Variants in ATG10 observed in about 807,000 individuals in gnomAD.
ATG10 encodes ubiquitin-like-conjugating enzyme ATG10.
In ATG10, 30 loss-of-function variants were observed where a neutral mutation model predicts 32.1. The observed-to-expected ratio is 0.94, with a 90% CI of 0.70 to 1.27. The LOEUF (loss-of-function observed/expected upper bound fraction) is 1.27, where lower values mean the gene tolerates loss of function less well. ATG10 is among the 50% of genes most tolerant of loss of function. ATG10 has a pLI of 0.00. For synonymous variants in ATG10, 87 were observed against 91.5 expected (o/e 0.95, Z 0.28); for missense variants, 233 against 262.3 (o/e 0.89, Z 0.77).
At chr5:82,076,415 A>G (rs1047676925) in intron 3 of ATG10, among the ~76,000 whole-genome samples, 11 of 152,220 alleles carry the variant, frequency 7.2e-5, no homozygotes, top group African/African-American at 2.7e-4. Context: ...GTGGACATAT[A>G]CTTAAAGAGA....
At chr5:82,168,669 C>A (rs1416055031) in intron 4 of ATG10, among the ~76,000 whole-genome samples, 2 of 152,042 alleles carry the variant, frequency 1.3e-5, no homozygotes, top group African/African-American at 4.8e-5. Flanking sequence ...TTGTTGTAGG[C>A]CTGAAGGATG....
intron 3 of ATG10, among the ~76,000 whole-genome samples, chr5:82,149,276 T>G (rs1439035421): frequency 6.6e-6 from 1 of 151,994 alleles, no homozygotes; most frequent in Non-Finnish European, 1.5e-5. Context: ...ACCCCAGTGG[T>G]AAGCTGTTTA....
intron 2 of ATG10, among the ~76,000 whole-genome samples, chr5:82,039,097 T>C (rs1164467732): frequency 6.6e-6 from 1 of 152,196 alleles, no homozygotes; most frequent in Non-Finnish European, 1.5e-5. Flanking sequence ...CCTCCCACCT[T>C]GGCCTCCCAA....
intron 4 of ATG10, among the ~76,000 whole-genome samples, chr5:82,165,501 A>G (rs1470881630): frequency 2.0e-5 from 3 of 152,244 alleles, no homozygotes; most frequent in Non-Finnish European, 4.4e-5. Context: ...ACAAGCACTT[A>G]GGATTTAAAA....
chr5:82,009,144 C>T (rs944147199), intron 2 of ATG10, among the ~76,000 whole-genome samples: 3 of 152,096 alleles, frequency 2.0e-5, no homozygotes, highest in Admixed American at 6.5e-5. Context: ...AAAGGGTGTA[C>T]GGTTAAAAGA....
At chr5:82,207,117 A>G (rs1745328859) in intron 5 of ATG10, among the ~76,000 whole-genome samples, 1 of 152,178 alleles carries the variant, frequency 6.6e-6, no homozygotes, top group Non-Finnish European at 1.5e-5. Context: ...TGATCATTCT[A>G]TGATCATGTC....
intron 3 of ATG10, among the ~76,000 whole-genome samples, chr5:82,139,727 C>T (rs1311241719): frequency 1.4e-5 from 2 of 142,908 alleles, no homozygotes; most frequent in African/African-American, 5.2e-5. Flanking sequence ...GGGTCAGCCC[C>T]CTGCCCGGCC....
intron 1 of ATG10, among the ~76,000 whole-genome samples, chr5:81,975,920 TGAATA>T (rs965781233): frequency 6.6e-6 from 1 of 151,818 alleles, no homozygotes; most frequent in Non-Finnish European, 1.5e-5. Flanking sequence ...ATATGAAGCT[TGAATA>T]GAAAGATGTG....
chr5:82,184,684 A>T (rs1744379375), intron 5 of ATG10, among the ~76,000 whole-genome samples: 1 of 152,218 alleles, frequency 6.6e-6, no homozygotes. Flanking sequence ...TAGCTGCATT[A>T]TTAGAGAGAT....
intron 3 of ATG10, chr5:82,078,680 G>A (rs1442933499): frequency 1.3e-5 from 2 of 152,078 alleles, no homozygotes; most frequent in East Asian, 3.9e-4. Flanking sequence ...GCCTGTGAAT[G>A]GCCACTGCAT....
At chr5:82,208,997 G>A (rs1430273649) in intron 5 of ATG10, among the ~76,000 whole-genome samples, 2 of 151,762 alleles carry the variant, frequency 1.3e-5, no homozygotes, top group Non-Finnish European at 2.9e-5. Flanking sequence ...TAGAGATCAA[G>A]CATATGTTAC....
chr5:82,241,725 C>T (rs1192418053), intron 5 of ATG10, among the ~76,000 whole-genome samples: 1 of 152,028 alleles, frequency 6.6e-6, no homozygotes, highest in East Asian at 1.9e-4. Flanking sequence ...ATTAGGCCTT[C>T]CCTTACCAAT....
chr5:82,067,013 T>C lies in ATG10; in HGVS notation c.216+8411T>C, dbSNP rs143099404. 5.3e-3 allele frequency among the ~76,000 whole-genome samples: 805 copies of C among 152,300 alleles called. 5 individuals are homozygous for C. The highest frequency in any genetic ancestry group is 0.016 in the African/African-American group (652 of 41,582). ...GGAAGTCTGTTATGTTTAATGTGCATAGATGCAAATGGAAGCATGTGGAGT... is the reference window on the plus strand; with the variant it reads ...GGAAGTCTGTTATGTTTAATGTGCACAGATGCAAATGGAAGCATGTGGAGT... On this transcript the variant is annotated intron_variant, in intron 3 of 7. Transcript: ENST00000282185.
At chr5:82,136,254 T>A (rs532967389) in intron 3 of ATG10, among the ~76,000 whole-genome samples, 1 of 152,346 alleles carries the variant, frequency 6.6e-6, no homozygotes, top group African/African-American at 2.4e-5. Flanking sequence ...ATATGTGAAT[T>A]TGATCATGTC....
intron 5 of ATG10, among the ~76,000 whole-genome samples, chr5:82,229,303 T>G (rs1392269807): frequency 6.6e-6 from 1 of 152,160 alleles, no homozygotes; most frequent in Non-Finnish European, 1.5e-5. Flanking sequence ...AATGAGCCTC[T>G]TAGGAGGAAC....
rs1192190154 is a variant in ATG10, at chr5:82,254,743, T to C, written c.*680T>C. 1 of 152,150 alleles carries C rather than the reference T, an allele frequency of 6.6e-6. No individual in the cohort carries two copies. Among genetic ancestry groups the C allele is most frequent in the Non-Finnish European group, 1.5e-5 (1 of 68,028 alleles). 9.4% of individuals were successfully genotyped at this position (152,150 alleles called of 1,614,324 possible). On this transcript the variant is annotated 3_prime_UTR_variant, in exon 8 of 8. Coordinates refer to ENST00000282185, the MANE Select transcript of ATG10 (RefSeq NM_031482.5). ...GAGAAATGTATTTGTGTGTTCATTT[T>C]AATGTAAGATATATAAAAATTAAAT...
At chr5:82,118,925 A>C (rs1006797464) in intron 3 of ATG10, among the ~76,000 whole-genome samples, 1 of 152,152 alleles carries the variant, frequency 6.6e-6, no homozygotes, top group Non-Finnish European at 1.5e-5. Context: ...AAGAGGAGAG[A>C]GTTCAAGGAG....
At chr5:82,015,793 A>T (rs183948761) in intron 2 of ATG10, among the ~76,000 whole-genome samples, 7 of 152,238 alleles carry the variant, frequency 4.6e-5, no homozygotes, top group Admixed American at 2.0e-4. Flanking sequence ...TAGCTCAGAG[A>T]AGTTTGATCA....
Position 82,068,749 on chromosome 5 carries a change from A to G in ATG10, c.216+10147A>G, listed in dbSNP as rs181167058. ...ATATAATCAAATTTCAACTTAAAGT[A>G]TATATATATATAATTCTTATCTGAA... On this transcript the variant is annotated intron_variant, in intron 3 of 7. Coordinates refer to ENST00000282185, the MANE Select transcript of ATG10 (RefSeq NM_031482.5). Among the ~76,000 whole-genome samples, 607 of 146,250 alleles carry G rather than the reference A, an allele frequency of 4.2e-3. 1 individual carries two copies. The highest frequency in any genetic ancestry group is 6.0e-3 in the Non-Finnish European group (397 of 66,708).
Sources: allele counts gnomAD v4.1 joint callset (sites outside exome capture counted in the v4.1 genomes callset), GRCh38; gene constraint gnomAD v4.1.1; transcripts MANE v1.5; gene names NCBI Gene and HGNC (gene_info 2026-07-23, HGNC 2026-07-21).